The following LAMA3 variants were observed in gnomAD, a reference collection of about 807,000 sequenced individuals.
LAMA3 encodes laminin subunit alpha-3.
LAMA3 carries 281 observed loss-of-function variants against 402.0 expected under a neutral mutation model. That is an observed-to-expected ratio of 0.70 (90% confidence interval 0.63 to 0.77). LAMA3 has a LOEUF of 0.77. Among genes scored for constraint, LAMA3 ranks in the 30% least tolerant of loss-of-function variants. The pLI is 0.00. For missense variants in LAMA3, 3,840 were observed against 4,215.5 expected (o/e 0.91, Z 2.47); for synonymous variants, 1,431 against 1,558.4 (o/e 0.92, Z 1.93).
intron 10 of LAMA3, among the ~76,000 whole-genome samples, chr18:23,777,289 C>T (rs529790230): frequency 6.6e-6 from 1 of 151,886 alleles, no homozygotes; most frequent in South Asian, 2.1e-4. Context: ...GGAAGCCAAA[C>T]TCATCCCTGC....
chr18:23,896,983 C>T (rs2080897011), intron 44 of LAMA3, among the ~76,000 whole-genome samples: 1 of 151,804 alleles, frequency 6.6e-6, no homozygotes, highest in Non-Finnish European at 1.5e-5. Context: ...AAGCAACAGT[C>T]AAGAGATGAG....
intron 29 of LAMA3, among the ~76,000 whole-genome samples, chr18:23,842,958 G>A (rs2063737591): frequency 6.6e-6 from 1 of 152,244 alleles, no homozygotes; most frequent in Non-Finnish European, 1.5e-5. Context: ...TAGGACAGAA[G>A]AGAGTAGGCG....
intron 8 of LAMA3, among the ~76,000 whole-genome samples, chr18:23,766,579 T>C (rs932023133): frequency 6.6e-6 from 1 of 152,202 alleles, no homozygotes; most frequent in African/African-American, 2.4e-5. Context: ...GGCTCATGCC[T>C]GTAATCCCAG....
At chr18:23,821,271 G>A (rs1218555016) in intron 19 of LAMA3, among the ~76,000 whole-genome samples, 1 of 152,186 alleles carries the variant, frequency 6.6e-6, no homozygotes, top group Non-Finnish European at 1.5e-5. Flanking sequence ...TTGCATATTT[G>A]TTTTCCATCT....
At position 23,846,328 on chromosome 18, in the gene LAMA3, TC is replaced by T; in HGVS notation, c.3753del (p.Ala1252ProfsTer71). 1 of 1,614,238 alleles carries T rather than the reference TC, an allele frequency of 6.2e-7. No individual in the cohort carries two copies. The highest frequency in any genetic ancestry group is 8.5e-7 in the Non-Finnish European group (1 of 1,180,034). On this transcript the variant is annotated frameshift_variant, in exon 31 of 75. Coordinates refer to ENST00000313654, the MANE Select transcript of LAMA3 (RefSeq NM_198129.4). LOFTEE classifies it high-confidence loss of function. ...GACAGCCTCCAGATTCTGTAAGAAT[TC>T]CGCCAGGTCCCTGGTGGCCTTTTAC... is the stretch of plus-strand genomic sequence containing the variant. The part of the protein sequence containing the change: ...PQTASRFCKN[S>X]ARSLVAFYHK...
At chr18:23,954,442 A>C in intron 74 of LAMA3, 61 bp from the exon 75 acceptor site, 2 of 1,315,242 alleles carry the variant, frequency 1.5e-6, no homozygotes, top group Non-Finnish European at 2.2e-6. Flanking sequence ...TTTAAAATCC[A>C]GGGAACAGTC....
chr18:23,916,746 G>C, intron 60 of LAMA3, 51 bp downstream of exon 60: 1 of 1,580,978 alleles, frequency 6.3e-7, no homozygotes, highest in Non-Finnish European at 8.7e-7. Flanking sequence ...ATTCTGTTTA[G>C]CAATTTGGAG....
chr18:23,718,369 G>A (rs2061147665), intron 2 of LAMA3, among the ~76,000 whole-genome samples: 1 of 152,070 alleles, frequency 6.6e-6, no homozygotes, highest in Non-Finnish European at 1.5e-5. Flanking sequence ...CATGACTTCA[G>A]CCCCCGCAGA....
intron 5 of LAMA3, among the ~76,000 whole-genome samples, chr18:23,753,045 C>G (rs1024234492): frequency 6.6e-6 from 1 of 152,240 alleles, no homozygotes; most frequent in Non-Finnish European, 1.5e-5. Context: ...GCAGAGGCCT[C>G]CAACATATTG....
chr18:23,859,666 G>A (rs751116302), intron 34 of LAMA3, among the ~76,000 whole-genome samples: 4 of 152,206 alleles, frequency 2.6e-5, no homozygotes, highest in Admixed American at 1.3e-4. Flanking sequence ...GAGTTAGGGC[G>A]CACCATCCTC....
At chr18:23,801,216 T>C (rs1438357034) in intron 12 of LAMA3, among the ~76,000 whole-genome samples, 1 of 152,168 alleles carries the variant, frequency 6.6e-6, no homozygotes, top group Non-Finnish European at 1.5e-5. Context: ...TGTTCTCACT[T>C]ATAAGTAGGA....
At chr18:23,903,864 A>T in intron 49 of LAMA3, 69 bp from the exon 50 acceptor site, 1 of 1,241,246 alleles carries the variant, frequency 8.1e-7, no homozygotes, top group Non-Finnish European at 1.2e-6. Flanking sequence ...GTTATGATAG[A>T]GTTTGAGAAA....
chr18:23,808,934 C>A (rs1388662642), intron 12 of LAMA3, among the ~76,000 whole-genome samples: 1 of 152,186 alleles, frequency 6.6e-6, no homozygotes, highest in African/African-American at 2.4e-5. Context: ...AAGGCTCCAA[C>A]TAGCATGGAA....
At chr18:23,937,649 G>A (rs2145446774) in intron 67 of LAMA3, among the ~76,000 whole-genome samples, 1 of 152,268 alleles carries the variant, frequency 6.6e-6, no homozygotes, top group African/African-American at 2.4e-5. Flanking sequence ...TGATGCTTAT[G>A]CTGCTGACAC....
intron 51 of LAMA3, 64 bp from the exon 52 acceptor site, chr18:23,905,458 A>G: frequency 1.1e-6 from 1 of 927,424 alleles, no homozygotes; most frequent in Non-Finnish European, 1.8e-6. Context: ...CTAGGATAGA[A>G]ATCTTATTCC....
At chr18:23,869,831 G>A (rs894350963) in intron 37 of LAMA3, among the ~76,000 whole-genome samples, 1 of 152,166 alleles carries the variant, frequency 6.6e-6, no homozygotes, top group African/African-American at 2.4e-5. Context: ...CACTTTGGGA[G>A]GCTGAGGTGG....
At position 23,837,079 on chromosome 18, in the gene LAMA3, G is replaced by A. The variant is rs200488826; in HGVS notation, c.3083G>A (p.Arg1028Gln). Residue 1028 changes from arginine (R) to glutamine (Q), a missense_variant, in exon 25 of 75, where the codon CGA (arginine) becomes CAA (glutamine). Around this residue, in one of 3 missense-constraint regions of LAMA3, gnomAD observed 2,109 missense variants for 2,376.0 expected, o/e 0.89. Transcript: ENST00000313654. ...ADIQLKGHMA[R>Q]FLLHQVCIIP... The stretch of plus-strand genomic sequence containing the variant: ...ATTCAGCTCAAGGGACACATGGCCC[G>A]ATTCCTTCTGGTATGCTTCTGTTTT... The A allele has an allele frequency of 6.8e-5, 109 of 1,606,052 alleles. 1 individual carries two copies. In the African/African-American group the frequency reaches 1.1e-3, roughly 17 times the overall value.
Position 23,776,796 on chromosome 18 carries a change from A to G in LAMA3, c.1406-761A>G, listed in dbSNP as rs997178334. On this transcript the variant is annotated intron_variant, in intron 10 of 74. Transcript: ENST00000313654. ...TGATGAGACACCACATCAGAATTTT[A>G]TATCTGTGAGTCTTGGTAGAAGGCT... Among the ~76,000 whole-genome samples the G allele has an allele frequency of 1.4e-4, 21 of 149,762 alleles. 1 individual carries two copies. The East Asian group carries it at 2.2e-3, about 15-fold the overall frequency.
At chr18:23,752,246 T>C (rs971865348) in intron 5 of LAMA3, among the ~76,000 whole-genome samples, 5 of 152,114 alleles carry the variant, frequency 3.3e-5, no homozygotes, top group African/African-American at 1.2e-4. Context: ...TCTCATAAAC[T>C]ATAGCCGGGC....
Sources: gnomAD v4.1 joint callset for allele counts (sites outside exome capture counted in the v4.1 genomes callset) on GRCh38, gnomAD v4.1.1 for gene constraint, gnomAD v4.1.1 regional missense constraint, MANE v1.5 for transcripts, NCBI Gene and HGNC (gene_info 2026-07-23, HGNC 2026-07-21) for gene names.